Variants in SCAPER observed in about 807,000 individuals in gnomAD.
SCAPER encodes the protein S phase cyclin A-associated protein in the endoplasmic reticulum.
SCAPER carries 98 observed loss-of-function variants against 182.2 expected under a neutral mutation model. The ratio of observed to expected loss-of-function variants is 0.54; its 90% CI spans 0.46 to 0.64. The LOEUF (loss-of-function observed/expected upper bound fraction) is 0.64, where lower values mean the gene tolerates loss of function less well. Ranked by LOEUF, SCAPER falls within the 30% of genes least tolerant of loss-of-function variation. The probability of loss-of-function intolerance (pLI) is 0.00; values close to 1 mark genes in which losing one functional copy is unlikely to be tolerated. For synonymous variants in SCAPER, 605 were observed against 564.6 expected, an observed-to-expected ratio of 1.07 and a Z score of -1.01; for missense variants, 1,432 against 1,690.0, an observed-to-expected ratio of 0.85 and a Z score of 2.68.
At position 76,679,411 on chromosome 15, in the gene SCAPER, C is replaced by T. The variant is rs115426925; in HGVS notation, c.2509-13622G>A. On this transcript the variant is annotated intron_variant, in intron 20 of 31. Coordinates refer to ENST00000563290, the MANE Select transcript of SCAPER (RefSeq NM_020843.4). ...AAATCTGAAAATCTGAAATGCAATG[C>T]ATTTTTATCATTTATGCATCATTTA... 1.7e-3 allele frequency among the ~76,000 whole-genome samples: 263 copies of T among 152,228 alleles called. 1 individual carries two copies. Among genetic ancestry groups the T allele is most frequent in the African/African-American group, 6.0e-3 (250 of 41,542 alleles).
intron 23 of SCAPER, among the ~76,000 whole-genome samples, chr15:76,552,750 C>A (rs1221318111): frequency 6.6e-6 from 1 of 152,118 alleles, no homozygotes; most frequent in Admixed American, 6.5e-5. Flanking sequence ...CTGCCCCCAC[C>A]CCCAGCCAGG....
chr15:76,489,817 C>T (rs1204629794), intron 24 of SCAPER, among the ~76,000 whole-genome samples: 1 of 152,162 alleles, frequency 6.6e-6, no homozygotes, highest in African/African-American at 2.4e-5. Flanking sequence ...CTCCCATGCT[C>T]CTGGCAACCA....
intron 27 of SCAPER, among the ~76,000 whole-genome samples, chr15:76,399,578 T>C (rs912860019): frequency 1.3e-5 from 2 of 152,232 alleles, no homozygotes; most frequent in African/African-American, 4.8e-5. Flanking sequence ...TTTCAATTTT[T>C]ACTTAAAGAA....
At chr15:76,551,205 T>A (rs2045741072) in intron 23 of SCAPER, among the ~76,000 whole-genome samples, 1 of 152,194 alleles carries the variant, frequency 6.6e-6, no homozygotes, top group Non-Finnish European at 1.5e-5. Flanking sequence ...ATCCTGCTAG[T>A]GGCTACTTAT....
At chr15:76,629,202 G>A (rs116664500) in intron 21 of SCAPER, among the ~76,000 whole-genome samples, 1,675 of 152,270 alleles carry the variant, frequency 0.011, 22 homozygotes, top group African/African-American at 0.035. Flanking sequence ...TGTCATCTGC[G>A]AACAAAGACA....
intron 21 of SCAPER, among the ~76,000 whole-genome samples, chr15:76,659,328 TG>T (rs1352516746): frequency 2.0e-5 from 3 of 152,114 alleles, no homozygotes; most frequent in Non-Finnish European, 4.4e-5. Flanking sequence ...TGGAGTATAG[TG>T]GTACAATCAC....
At chr15:76,514,925 T>C (rs1364323482) in intron 23 of SCAPER, among the ~76,000 whole-genome samples, 1 of 152,196 alleles carries the variant, frequency 6.6e-6, no homozygotes, top group East Asian at 1.9e-4. Flanking sequence ...CCTTACAAGC[T>C]TCCTAACTGC....
intron 1 of SCAPER, among the ~76,000 whole-genome samples, chr15:76,887,695 T>C (rs1354369698): frequency 2.0e-5 from 3 of 152,218 alleles, no homozygotes; most frequent in African/African-American, 7.2e-5. Flanking sequence ...AAGGCCTACT[T>C]GCCTCTATAG....
intron 24 of SCAPER, among the ~76,000 whole-genome samples, chr15:76,496,227 CT>C (rs35760422): frequency 0.29 from 43,180 of 149,410 alleles, 7,182 homozygotes; most frequent in East Asian, 0.58. Context: ...CATTAACAAC[CT>C]TTTTTTTTTT....
chr15:76,605,337 G>A (rs528680055), intron 22 of SCAPER, among the ~76,000 whole-genome samples: 32 of 152,156 alleles, frequency 2.1e-4, no homozygotes, highest in Non-Finnish European at 3.1e-4. Flanking sequence ...ATTGATTTGC[G>A]TATGTTGAAC....
At position 76,728,747 on chromosome 15, in the gene SCAPER, G is replaced by C; in HGVS notation, c.2023-10C>G. ...GAGCTCTCTTGCGTTCCTAATGTTA[G>C]AAATATTTGTTTCCAATATTAGAAT... On this transcript the variant is annotated splice_polypyrimidine_tract_variant and intron_variant, in intron 16 of 31. Transcript: ENST00000563290. 6.3e-7 allele frequency: 1 copy of C among 1,599,650 alleles called. No homozygotes were observed. The highest frequency in any genetic ancestry group is 2.2e-5 in the East Asian group (1 of 44,724).
chr15:76,371,146 T>TTATCTTTTAGAAGCTC (rs2042142248), intron 29 of SCAPER, among the ~76,000 whole-genome samples: 1 of 152,164 alleles, frequency 6.6e-6, no homozygotes, highest in East Asian at 1.9e-4. Flanking sequence ...TCAGGGAGCT[T>TTATCTTTTAGAAGCTC]ACTTTATCTT....
At chr15:76,539,569 C>T (rs554515530) in intron 23 of SCAPER, among the ~76,000 whole-genome samples, 4 of 115,982 alleles carry the variant, frequency 3.4e-5, no homozygotes, top group Non-Finnish European at 5.1e-5. Context: ...TTTTTTGAGA[C>T]GGAGTCTCAC....
chr15:76,813,971 C>T (rs1322033402), intron 5 of SCAPER, among the ~76,000 whole-genome samples: 4 of 152,096 alleles, frequency 2.6e-5, no homozygotes, highest in African/African-American at 9.7e-5. Context: ...GGTTCGAGAT[C>T]CGCCTGGCCA....
rs1255026390 is a variant in SCAPER at position 76,594,159 on chromosome 15, C to A, written c.2712-19875G>T. On this transcript the variant is annotated intron_variant, in intron 22 of 31. Coordinates refer to ENST00000563290, the MANE Select transcript of SCAPER (RefSeq NM_020843.4). Reference sequence around the variant, plus strand: ...GATCTGATGGAGCTGAAAAACACAACACGAGAACTTCGTGAAGCATACACA... The same window carrying A: ...GATCTGATGGAGCTGAAAAACACAAAACGAGAACTTCGTGAAGCATACACA... 1.2e-4 allele frequency among the ~76,000 whole-genome samples: 14 copies of A among 119,416 alleles called. 6 individuals are homozygous for A. Among genetic ancestry groups the A allele is most frequent in the Non-Finnish European group, 1.4e-4 (7 of 49,620 alleles). 78.3% of individuals were successfully genotyped at this position (119,416 alleles called of 152,430 possible). A position where few individuals can be genotyped will look rare whatever the true frequency, so the allele number is the denominator to read the frequency against.
chr15:76,690,292 G>A (rs1371457915), intron 20 of SCAPER, among the ~76,000 whole-genome samples: 4 of 151,894 alleles, frequency 2.6e-5, no homozygotes, highest in South Asian at 2.1e-4. Flanking sequence ...GTCATCAGGC[G>A]AACCCAAATG....
At chr15:76,759,432 A>C (rs1270813615) in intron 14 of SCAPER, among the ~76,000 whole-genome samples, 1 of 152,204 alleles carries the variant, frequency 6.6e-6, no homozygotes, top group African/African-American at 2.4e-5. Context: ...CCAACCTTTT[A>C]TAAGGCACCC....
intron 23 of SCAPER, among the ~76,000 whole-genome samples, chr15:76,558,966 G>A (rs1316778003): frequency 6.6e-6 from 1 of 152,092 alleles, no homozygotes; most frequent in East Asian, 1.9e-4. Flanking sequence ...GAGGCCAGGT[G>A]GAGGTAACTG....
intron 14 of SCAPER, among the ~76,000 whole-genome samples, chr15:76,757,764 A>G (rs560020747): frequency 6.6e-6 from 1 of 152,074 alleles, no homozygotes; most frequent in Non-Finnish European, 1.5e-5. Context: ...ATCCTCCCCA[A>G]TACTTGCCTC....
Sources: gnomAD v4.1 joint callset for allele counts (sites outside exome capture counted in the v4.1 genomes callset) on GRCh38, gnomAD v4.1.1 for gene constraint, MANE v1.5 for transcripts, NCBI Gene and HGNC (gene_info 2026-07-23, HGNC 2026-07-21) for gene names.